The following RAB40B variants were observed in gnomAD, a reference collection of about 807,000 sequenced individuals.
RAB40B encodes the protein RAB40B, member RAS oncogene family.
In RAB40B, 21 loss-of-function variants were observed where a neutral mutation model predicts 24.0. That is an observed-to-expected ratio of 0.88 (90% confidence interval 0.62 to 1.26). RAB40B has a LOEUF of 1.26. RAB40B is among the 50% of genes most tolerant of loss of function. RAB40B has a pLI of 0.00. For synonymous variants in RAB40B, 167 were observed against 169.8 expected (o/e 0.98, Z 0.13); for missense variants, 348 against 390.5 (o/e 0.89, Z 0.92).
intron 1 of RAB40B, among the ~76,000 whole-genome samples, chr17:82,686,896 A>G (rs2046507865): frequency 6.6e-6 from 1 of 152,058 alleles, no homozygotes; most frequent in Admixed American, 6.6e-5. Context: ...GGGGCATGGA[A>G]GACCCTCCCA....
chr17:82,689,854 G>C (rs1417982825), intron 1 of RAB40B, among the ~76,000 whole-genome samples: 1 of 151,796 alleles, frequency 6.6e-6, no homozygotes, highest in Non-Finnish European at 1.5e-5. Flanking sequence ...TGTAATCCGA[G>C]CTACTCAGGA....
rs1005209984 is a variant in RAB40B at position 82,656,711 on chromosome 17, T to C, written c.*1152A>G. The C allele has an allele frequency of 1.3e-5, 2 of 152,296 alleles. No homozygotes were observed. The highest frequency in any genetic ancestry group is 1.3e-4 in the Admixed American group (2 of 15,280). 9.4% of individuals were successfully genotyped at this position (152,296 alleles called of 1,614,324 possible). Reference sequence around the variant, plus strand: ...GCAGTGGCGCAGTGAAGTAAAGGGCTATAAGAAATACACAAAATCTGGCCG... The same window carrying C: ...GCAGTGGCGCAGTGAAGTAAAGGGCCATAAGAAATACACAAAATCTGGCCG... On this transcript the variant is annotated 3_prime_UTR_variant, in exon 6 of 6. Coordinates refer to ENST00000571995, the MANE Select transcript of RAB40B (RefSeq NM_006822.3).
In RAB40B at chr17:82,664,572, A is replaced by G; in HGVS notation, c.143-16T>C. 1.2e-6 allele frequency: 2 copies of G among 1,613,104 alleles called. No homozygotes were observed. Among genetic ancestry groups the G allele is most frequent in the Non-Finnish European group, 1.7e-6 (2 of 1,179,268 alleles). On this transcript the variant is annotated splice_polypyrimidine_tract_variant and intron_variant, in intron 1 of 5. Coordinates refer to ENST00000571995, the MANE Select transcript of RAB40B (RefSeq NM_006822.3). ...TAGTCGATGCCTGCGGAAGGGTTAG[A>G]GACGGCTTAGGCCTGAGGCTGCAGC... is the stretch of plus-strand genomic sequence containing the variant.
At chr17:82,662,139 G>A (rs1442032586) in intron 2 of RAB40B, 3 of 985,334 alleles carry the variant, frequency 3.0e-6, no homozygotes, top group Non-Finnish European at 3.6e-6. Context: ...ATGCACCTGT[G>A]GTCGGTGACC....
In RAB40B at chr17:82,655,186, T is replaced by C. The variant is rs1010672778; in HGVS notation, c.*2677A>G. On this transcript the variant is annotated 3_prime_UTR_variant, in exon 6 of 6. Transcript: ENST00000571995. ...CCTGGTGACTTAAATAACAAATATT[T>C]ATTTTCTCGTAGCTCTGGAAGCCGG... The C allele has an allele frequency of 6.6e-6, 1 of 152,112 alleles. No homozygotes were observed. The highest frequency in any genetic ancestry group is 1.5e-5 in the Non-Finnish European group (1 of 68,034). The allele number at this position is 152,112 out of a possible 1,614,324, so 9.4% of individuals were successfully genotyped here. A position where few individuals can be genotyped will look rare whatever the true frequency, so the allele number is the denominator to read the frequency against.
intron 1 of RAB40B, among the ~76,000 whole-genome samples, chr17:82,691,041 A>G (rs2046552878): frequency 6.6e-6 from 1 of 152,186 alleles, no homozygotes; most frequent in South Asian, 2.1e-4. Flanking sequence ...CCTTCTCCCA[A>G]CATTAAACAT....
In RAB40B at chr17:82,691,961, T is replaced by C. The variant is rs114094674; in HGVS notation, c.142+6494A>G. 3.2e-3 allele frequency among the ~76,000 whole-genome samples: 483 copies of C among 152,262 alleles called. 4 individuals carry two copies. Among genetic ancestry groups the C allele is most frequent in the African/African-American group, 0.01 (431 of 41,550 alleles). Reference sequence around the variant, plus strand: ...GGGGTACCAGCGTGTGTGAGGTGTGTTGCAGAACAGAAGACACTTCCCTGG... The same window carrying C: ...GGGGTACCAGCGTGTGTGAGGTGTGCTGCAGAACAGAAGACACTTCCCTGG... On this transcript the variant is annotated intron_variant, in intron 1 of 5. Transcript: ENST00000571995.
Position 82,657,449 on chromosome 17 carries a change from C to G in RAB40B, c.*414G>C, listed in dbSNP as rs2046096650. 9.2e-6 allele frequency: 3 copies of G among 325,926 alleles called. No homozygotes were observed. The highest frequency in any genetic ancestry group is 5.1e-5 in the South Asian group (2 of 39,184). 20.2% of individuals were successfully genotyped at this position (325,926 alleles called of 1,614,324 possible). A position where few individuals can be genotyped will look rare whatever the true frequency, so the allele number is the denominator to read the frequency against. On this transcript the variant is annotated 3_prime_UTR_variant, in exon 6 of 6. Coordinates refer to ENST00000571995, the MANE Select transcript of RAB40B (RefSeq NM_006822.3). ...TTGAAAAGGAGGTTTACAAAAAGAC[C>G]CCTCTCGTAATATCAGTGACTCTAA...
At position 82,663,463 on chromosome 17, in the gene RAB40B, TC is replaced by T. The variant is rs1464204613; in HGVS notation, c.203+1032del. ...GCCCCAGAGCTGGAACCGCAGGAGC[TC>T]CCCCCATCCCAAGCCAAGAGCGGGT... On this transcript the variant is annotated intron_variant, in intron 2 of 5. Coordinates refer to ENST00000571995, the MANE Select transcript of RAB40B (RefSeq NM_006822.3). This position sits in a 1 kb window ranked among gnomAD's most constrained non-coding sequence, Gnocchi z 6.2. Among the ~76,000 whole-genome samples, 3 of 150,742 alleles carry T rather than the reference TC, an allele frequency of 2.0e-5. No homozygotes were observed. The East Asian group carries it at 5.9e-4, about 30-fold the overall frequency.
intron 1 of RAB40B, among the ~76,000 whole-genome samples, chr17:82,674,322 AAG>A (rs2046372123): frequency 8.1e-6 from 1 of 124,072 alleles, no homozygotes; most frequent in Non-Finnish European, 1.7e-5. Flanking sequence ...CTGGGCAAAA[AAG>A]AGTGAAACTC....
intron 1 of RAB40B, among the ~76,000 whole-genome samples, chr17:82,695,482 G>A (rs116494688): frequency 0.042 from 6,308 of 150,450 alleles, 595 homozygotes; most frequent in African/African-American, 0.15. Context: ...GAGCCACTGC[G>A]CCCGGCTGCC....
chr17:82,686,592 G>A (rs1356674448), intron 1 of RAB40B, among the ~76,000 whole-genome samples: 2 of 152,188 alleles, frequency 1.3e-5, no homozygotes, highest in Non-Finnish European at 1.5e-5. Context: ...GCCACAGAAC[G>A]CCGAGGGCTG....
intron 1 of RAB40B, among the ~76,000 whole-genome samples, chr17:82,687,929 G>A (rs1485999575): frequency 6.6e-6 from 1 of 152,042 alleles, no homozygotes; most frequent in African/African-American, 2.4e-5. Context: ...ATAATTAGCC[G>A]GGCATGGTGG....
intron 1 of RAB40B, among the ~76,000 whole-genome samples, chr17:82,689,311 C>CT (rs1174354010): frequency 6.6e-6 from 1 of 152,220 alleles, no homozygotes; most frequent in African/African-American, 2.4e-5. Flanking sequence ...ACGGTGGTGC[C>CT]TGGTGCCAGG....
chr17:82,660,091 C>T (rs2046144119), intron 3 of RAB40B, among the ~76,000 whole-genome samples: 1 of 151,932 alleles, frequency 6.6e-6, no homozygotes, highest in Non-Finnish European at 1.5e-5. Context: ...CACGCAGGCA[C>T]TCATGCACAG....
chr17:82,662,394 C>A (rs7225035), intron 2 of RAB40B: 342,633 of 985,118 alleles, frequency 0.35, 59,904 homozygotes, highest in East Asian at 0.41. Flanking sequence ...CCAGCACGTG[C>A]TGTCAGAGTG....
intron 1 of RAB40B, among the ~76,000 whole-genome samples, chr17:82,671,198 T>C (rs550173193): frequency 7.4e-6 from 1 of 135,292 alleles, no homozygotes; most frequent in East Asian, 2.3e-4. Flanking sequence ...CCCACCCCCG[T>C]AACTCTAACA....
At chr17:82,672,962 G>C (rs944802638) in intron 1 of RAB40B, among the ~76,000 whole-genome samples, 1 of 152,152 alleles carries the variant, frequency 6.6e-6, no homozygotes, top group African/African-American at 2.4e-5. Flanking sequence ...CCAGCACTTT[G>C]GGAGGTCAAG....
rs1309435649 is a variant in RAB40B, at chr17:82,664,367, C to CG, written c.203+128dup. 6.8e-5 allele frequency: 57 copies of CG among 841,060 alleles called. 1 individual carries two copies. Among genetic ancestry groups the CG allele is most frequent in the Non-Finnish European group, 9.6e-5 (52 of 543,560 alleles). 52.1% of individuals were successfully genotyped at this position (841,060 alleles called of 1,614,324 possible). A position where few individuals can be genotyped will look rare whatever the true frequency, so the allele number is the denominator to read the frequency against. On this transcript the variant is annotated intron_variant, in intron 2 of 5. Coordinates refer to ENST00000571995, the MANE Select transcript of RAB40B (RefSeq NM_006822.3). The stretch of plus-strand genomic sequence containing the variant: ...GACGGTGGTGGTGGGAGGGTGTTCC[C>CG]GGGGGCGCTGTGCCGATGGTGGTGG...
Sources: allele counts gnomAD v4.1 joint callset (sites outside exome capture counted in the v4.1 genomes callset), GRCh38; gene constraint gnomAD v4.1.1; non-coding constraint Gnocchi (gnomAD v3.1); transcripts MANE v1.5; gene names NCBI Gene and HGNC (gene_info 2026-07-23, HGNC 2026-07-21).